Variants in ATRNL1 observed in about 807,000 individuals in gnomAD.
ATRNL1 encodes attractin-like protein 1.
In ATRNL1, 95 loss-of-function variants were observed where a neutral mutation model predicts 182.7. That is an observed-to-expected ratio of 0.52 (90% CI 0.44 to 0.62). The LOEUF (loss-of-function observed/expected upper bound fraction) is 0.62, where lower values mean the gene tolerates loss of function less well. Among genes scored for constraint, ATRNL1 ranks in the 20% least tolerant of loss-of-function variants. ATRNL1 has a pLI of 0.00. For missense variants in ATRNL1, 1,471 were observed against 1,679.5 expected (o/e 0.88, Z 2.17); for synonymous variants, 576 against 568.3 (o/e 1.01, Z -0.19).
intron 21 of ATRNL1, among the ~76,000 whole-genome samples, chr10:115,443,574 A>G (rs1442167434): frequency 5.9e-5 from 9 of 151,918 alleles, no homozygotes; most frequent in African/African-American, 1.7e-4. Context: ...AAGGGGAAAC[A>G]TACTGATATC....
At chr10:115,586,633 G>T (rs1385798978) in intron 26 of ATRNL1, among the ~76,000 whole-genome samples, 1 of 115,080 alleles carries the variant, frequency 8.7e-6, no homozygotes, top group African/African-American at 2.7e-5. Flanking sequence ...CTCTGTATTG[G>T]TTATTCTAGT....
intron 8 of ATRNL1, among the ~76,000 whole-genome samples, chr10:115,199,719 A>T (rs1041660301): frequency 8.5e-5 from 13 of 152,180 alleles, no homozygotes; most frequent in Non-Finnish European, 4.4e-5. Context: ...AGTGGTAGTA[A>T]TTATGAGAGA....
chr10:115,425,806 G>T (rs1324743863), intron 20 of ATRNL1, among the ~76,000 whole-genome samples: 2 of 151,786 alleles, frequency 1.3e-5, no homozygotes, highest in African/African-American at 4.8e-5. Flanking sequence ...TTTTTAACTG[G>T]TGTAGAAAAT....
intron 26 of ATRNL1, among the ~76,000 whole-genome samples, chr10:115,603,935 A>G (rs34596478): frequency 0.49 from 74,996 of 151,826 alleles, 19,436 homozygotes; most frequent in African/African-American, 0.6. Context: ...TTCTAGGTGG[A>G]CCTCTTGGAG....
intron 28 of ATRNL1, among the ~76,000 whole-genome samples, chr10:115,941,055 G>A (rs1953717261): frequency 1.3e-5 from 2 of 152,180 alleles, no homozygotes; most frequent in Admixed American, 6.5e-5. Flanking sequence ...CAAATGGGCA[G>A]ATAAGACTTT....
chr10:115,209,341 T>C (rs1848928294), intron 8 of ATRNL1, among the ~76,000 whole-genome samples: 2 of 151,042 alleles, frequency 1.3e-5, no homozygotes, highest in Non-Finnish European at 3.0e-5. Flanking sequence ...CTGTTTCTTT[T>C]AGAGTCATAG....
intron 28 of ATRNL1, among the ~76,000 whole-genome samples, chr10:115,920,420 G>A (rs1344873631): frequency 1.3e-5 from 2 of 152,174 alleles, no homozygotes; most frequent in East Asian, 1.9e-4. Flanking sequence ...CAAAGAAGTA[G>A]CAAATGACTG....
chr10:115,399,106 A>C (rs561269055), intron 20 of ATRNL1, among the ~76,000 whole-genome samples: 2 of 152,190 alleles, frequency 1.3e-5, no homozygotes, highest in South Asian at 4.1e-4. Context: ...ATTGTTTGCC[A>C]GTGTTTTGTT....
chr10:115,919,611 T>A (rs1952983866), intron 28 of ATRNL1, among the ~76,000 whole-genome samples: 1 of 152,142 alleles, frequency 6.6e-6, no homozygotes, highest in Admixed American at 6.5e-5. Flanking sequence ...TATATATAAT[T>A]AATATTATGT....
intron 10 of ATRNL1, among the ~76,000 whole-genome samples, chr10:115,247,331 C>A (rs1850687615): frequency 6.6e-6 from 1 of 152,000 alleles, no homozygotes; most frequent in Non-Finnish European, 1.5e-5. Flanking sequence ...CCTCAACAAA[C>A]AATCCATTTT....
intron 28 of ATRNL1, among the ~76,000 whole-genome samples, chr10:115,868,413 C>T (rs964697289): frequency 6.6e-6 from 1 of 152,176 alleles, no homozygotes; most frequent in African/African-American, 2.4e-5. Flanking sequence ...CTCATTTTCT[C>T]CAACCCACTC....
intron 8 of ATRNL1, among the ~76,000 whole-genome samples, chr10:115,180,737 C>G (rs1472936998): frequency 6.6e-6 from 1 of 151,788 alleles, no homozygotes; most frequent in Non-Finnish European, 1.5e-5. Context: ...TTATGTCTTG[C>G]CAAATTGTAC....
At chr10:115,558,968 C>T (rs891222149) in intron 26 of ATRNL1, among the ~76,000 whole-genome samples, 2 of 152,224 alleles carry the variant, frequency 1.3e-5, no homozygotes, top group East Asian at 3.9e-4. Flanking sequence ...AGGCTCTCTT[C>T]TTCTAATGAG....
At chr10:115,469,437 A>G (rs1466526482) in intron 24 of ATRNL1, 108 bp downstream of exon 24, 5 of 616,190 alleles carry the variant, frequency 8.1e-6, no homozygotes, top group Middle Eastern at 8.3e-4. Context: ...TGACTAATAC[A>G]AAAACATGCA....
intron 13 of ATRNL1, among the ~76,000 whole-genome samples, chr10:115,271,461 A>T (rs1165778042): frequency 4.0e-5 from 6 of 151,168 alleles, no homozygotes; most frequent in African/African-American, 1.5e-4. Flanking sequence ...AGGCCCCGGC[A>T]ATTCCTCAAC....
chr10:115,761,171 T>G (rs1407537364), intron 27 of ATRNL1, among the ~76,000 whole-genome samples: 1 of 152,240 alleles, frequency 6.6e-6, no homozygotes, highest in Admixed American at 6.5e-5. Context: ...AAGGCTAGTT[T>G]TATTAGAAAA....
At chr10:115,158,687 G>A (rs1846637427) in intron 5 of ATRNL1, among the ~76,000 whole-genome samples, 1 of 151,808 alleles carries the variant, frequency 6.6e-6, no homozygotes, top group African/African-American at 2.4e-5. Context: ...AAAACTGTAT[G>A]GGTCAATATT....
At chr10:115,139,798 A>G (rs1330334406) in intron 5 of ATRNL1, among the ~76,000 whole-genome samples, 1 of 152,240 alleles carries the variant, frequency 6.6e-6, no homozygotes, top group Non-Finnish European at 1.5e-5. Context: ...GCACTGGCCC[A>G]TTCATCTCTA....
chr10:115,463,166 G>A lies in ATRNL1; in HGVS notation c.3417+1131G>A, dbSNP rs546523669. Reference sequence around the variant, plus strand: ...ATTTTGCAACTTCTTTCCTTTTAACGTAGTTCACTGGACTTGCTGACAACT... The same window carrying A: ...ATTTTGCAACTTCTTTCCTTTTAACATAGTTCACTGGACTTGCTGACAACT... On this transcript the variant is annotated intron_variant, in intron 22 of 28. Coordinates refer to ENST00000355044, the MANE Select transcript of ATRNL1 (RefSeq NM_207303.4). Among the ~76,000 whole-genome samples the A allele has an allele frequency of 1.5e-4, 22 of 151,260 alleles. No individual in the cohort carries two copies. The South Asian group carries it at 2.9e-3, about 20-fold the overall frequency.
Sources: gnomAD v4.1 joint callset for allele counts (sites outside exome capture counted in the v4.1 genomes callset) on GRCh38, gnomAD v4.1.1 for gene constraint, MANE v1.5 for transcripts, NCBI Gene and HGNC (gene_info 2026-07-23, HGNC 2026-07-21) for gene names.